Variants in SLC71A1 observed in about 807,000 individuals in gnomAD.
SLC71A1 encodes the protein hippocampus abundant gene transcript 1.
At chr1:100,063,665 G>A in the SLC71A1 span, among the ~76,000 whole-genome samples, 1 of 152,090 alleles carries the variant, frequency 6.6e-6, no homozygotes, top group African/African-American at 2.4e-5. Flanking sequence ...GTGTGGTGGT[G>A]TGTGCCTGTA....
chr1:100,082,260 C>G, the SLC71A1 span: 1 of 1,386,260 alleles, frequency 7.2e-7, no homozygotes, highest in Non-Finnish European at 1.0e-6. Context: ...TTAGTTTTCA[C>G]CTCTAGTTCT....
At chr1:100,068,359 G>C in the SLC71A1 span, 2 of 931,548 alleles carry the variant, frequency 2.1e-6, no homozygotes, top group Non-Finnish European at 3.3e-6. Flanking sequence ...TAAATAAAAA[G>C]GACAACTAGT....
the SLC71A1 span, chr1:100,078,539 G>C: frequency 1.9e-6 from 3 of 1,608,482 alleles, no homozygotes; most frequent in Admixed American, 3.3e-5. Context: ...TGCTGATGCT[G>C]ATCAACAGGG....
chr1:100,047,536 C>T, the SLC71A1 span, among the ~76,000 whole-genome samples: 2 of 152,216 alleles, frequency 1.3e-5, no homozygotes, highest in African/African-American at 2.4e-5. Context: ...GATTCTCCTG[C>T]CTCAGCTTCC....
the SLC71A1 span, among the ~76,000 whole-genome samples, chr1:100,060,489 G>A: frequency 6.6e-6 from 1 of 152,162 alleles, no homozygotes; most frequent in Non-Finnish European, 1.5e-5. Context: ...TTCCAGTGGA[G>A]CAGACTTTTT....
chr1:100,060,051 A>G, the SLC71A1 span: 10 of 1,508,832 alleles, frequency 6.6e-6, no homozygotes, highest in African/African-American at 9.8e-5. Context: ...ACTTTCAGCT[A>G]TTGTTTTCTT....
chr1:100,069,677 A>G, the SLC71A1 span: 1 of 1,607,546 alleles, frequency 6.2e-7, no homozygotes, highest in Non-Finnish European at 8.5e-7. Flanking sequence ...TCTTTCCATT[A>G]TTGCACAGGT....
the SLC71A1 span, chr1:100,080,410 T>G: frequency 1.9e-6 from 2 of 1,048,624 alleles, no homozygotes; most frequent in South Asian, 1.5e-5. Flanking sequence ...GATTTTAGAT[T>G]AAGTGATTTC....
At chr1:100,061,134 T>C in the SLC71A1 span, among the ~76,000 whole-genome samples, 1 of 152,148 alleles carries the variant, frequency 6.6e-6, no homozygotes, top group Non-Finnish European at 1.5e-5. Context: ...TGGAATGATA[T>C]TTTGAAAGCT....
the SLC71A1 span, chr1:100,078,329 GC>G: frequency 4.8e-6 from 3 of 631,238 alleles, no homozygotes; most frequent in African/African-American, 1.8e-5. Context: ...CACCTAGTAA[GC>G]AAGTTCAGTT....
the SLC71A1 span, among the ~76,000 whole-genome samples, chr1:100,052,713 A>G: frequency 3.3e-5 from 5 of 151,448 alleles, no homozygotes; most frequent in Non-Finnish European, 7.4e-5. Flanking sequence ...TACAGGTGTG[A>G]GCCACTGTGC....
At chr1:100,055,758 T>G in the SLC71A1 span, among the ~76,000 whole-genome samples, 1 of 152,080 alleles carries the variant, frequency 6.6e-6, no homozygotes. Flanking sequence ...TTTTGTTTTG[T>G]TTTTTGTTTT....
the SLC71A1 span, among the ~76,000 whole-genome samples, chr1:100,050,188 G>A: frequency 2.6e-5 from 4 of 151,938 alleles, no homozygotes; most frequent in Non-Finnish European, 5.9e-5. Context: ...TTTTGGGAGG[G>A]GGGTGGCGTG....
the SLC71A1 span, among the ~76,000 whole-genome samples, chr1:100,076,059 A>C: frequency 2.0e-5 from 3 of 152,222 alleles, no homozygotes; most frequent in Non-Finnish European, 4.4e-5. Flanking sequence ...GTTGCCGAAG[A>C]ATATAATTCT....
At chr1:100,075,273 A>G in the SLC71A1 span, among the ~76,000 whole-genome samples, 3 of 152,246 alleles carry the variant, frequency 2.0e-5, no homozygotes, top group Non-Finnish European at 2.9e-5. Context: ...CTGAAGTGCC[A>G]GGGATTTCAT....
At chr1:100,059,061 TA>T in the SLC71A1 span, among the ~76,000 whole-genome samples, 1 of 147,918 alleles carries the variant, frequency 6.8e-6, no homozygotes, top group Non-Finnish European at 1.5e-5. Flanking sequence ...AAAACTATAC[TA>T]AAAAACCCCC....
chr1:100,054,517 A>AC, the SLC71A1 span, among the ~76,000 whole-genome samples: 1 of 151,782 alleles, frequency 6.6e-6, no homozygotes, highest in East Asian at 1.9e-4. Flanking sequence ...GGCCGGCTTT[A>AC]CCCTTTTGAC....
the SLC71A1 span, among the ~76,000 whole-genome samples, chr1:100,062,669 G>A: frequency 9.3e-4 from 142 of 152,296 alleles, 2 homozygotes; most frequent in South Asian, 8.3e-3. Flanking sequence ...TGAATATTGT[G>A]TTGGGCTGAA....
the SLC71A1 span, among the ~76,000 whole-genome samples, chr1:100,064,727 C>CTT: frequency 4.9e-5 from 7 of 142,538 alleles, no homozygotes; most frequent in Admixed American, 7.0e-5. Flanking sequence ...GTCTCTTTTC[C>CTT]TTTTTTTTTT....
Sources: allele counts gnomAD v4.1 joint callset (sites outside exome capture counted in the v4.1 genomes callset), GRCh38; gene constraint gnomAD v4.1.1; transcripts MANE v1.5; gene names NCBI Gene and HGNC (gene_info 2026-07-23, HGNC 2026-07-21).